PACRG: variants seen among roughly 807,000 people sequenced by gnomAD.
PACRG encodes the protein parkin coregulated, also known as parkin coregulated gene protein.
PACRG carries 29 observed loss-of-function variants against 29.7 expected under a neutral mutation model. The observed-to-expected ratio is 0.98, with a 90% CI of 0.73 to 1.33. PACRG has a LOEUF of 1.33. PACRG is among the 40% of genes most tolerant of loss of function. The probability of loss-of-function intolerance (pLI) is 0.00; values close to 1 mark genes in which losing one functional copy is unlikely to be tolerated. For synonymous variants in PACRG, 116 were observed against 118.7 expected, an observed-to-expected ratio of 0.98 and a Z score of 0.15; for missense variants, 279 against 316.2, an observed-to-expected ratio of 0.88 and a Z score of 0.89.
At position 163,276,008 on chromosome 6, in the gene PACRG, C is replaced by CTTCTTTCTTTCT. The variant is rs376811032; in HGVS notation, c.614-38800_614-38789dup. Among the ~76,000 whole-genome samples, 957 of 140,674 alleles carry CTTCTTTCTTTCT rather than the reference C, an allele frequency of 6.8e-3. 4 individuals are homozygous for CTTCTTTCTTTCT. Among genetic ancestry groups the CTTCTTTCTTTCT allele is most frequent in the African/African-American group, 0.012 (420 of 35,544 alleles). The allele number at this position is 140,674 out of a possible 152,430, so 92.3% of individuals were successfully genotyped here. ...TTCTCTTTCCTTCCTTCCTTCCTTC[C>CTTCTTTCTTTCT]TTCTTTCTTTCTTTCTTTCTTTCTT... On this transcript the variant is annotated intron_variant, in intron 4 of 4. Coordinates refer to ENST00000366888, the MANE Select transcript of PACRG (RefSeq NM_001080379.2).
At chr6:163,233,964 CA>C (rs1782140086) in intron 4 of PACRG, among the ~76,000 whole-genome samples, 1 of 152,034 alleles carries the variant, frequency 6.6e-6, no homozygotes, top group Non-Finnish European at 1.5e-5. Context: ...TCTTGGGGCT[CA>C]ATAAGAAATG....
At chr6:163,196,041 C>G (rs1045738970) in intron 4 of PACRG, among the ~76,000 whole-genome samples, 11 of 152,216 alleles carry the variant, frequency 7.2e-5, no homozygotes, top group African/African-American at 2.7e-4. Context: ...CCCCGTCCCT[C>G]CAGTCGCTGG....
chr6:163,308,128 T>A (rs1286942430), intron 4 of PACRG, among the ~76,000 whole-genome samples: 3 of 152,166 alleles, frequency 2.0e-5, no homozygotes, highest in Non-Finnish European at 4.4e-5. Flanking sequence ...GCTTTCCTTT[T>A]CCCCTTTCTT....
intron 4 of PACRG, among the ~76,000 whole-genome samples, chr6:163,122,289 A>T (rs868344308): frequency 1.3e-5 from 2 of 151,614 alleles, no homozygotes; most frequent in Non-Finnish European, 1.5e-5. Context: ...ACGCATTTAC[A>T]CACACACACA....
At chr6:163,293,959 C>A (rs1391532597) in intron 4 of PACRG, among the ~76,000 whole-genome samples, 1 of 152,054 alleles carries the variant, frequency 6.6e-6, no homozygotes, top group Non-Finnish European at 1.5e-5. Flanking sequence ...TTTTCTAGTT[C>A]CGACCTAGAT....
chr6:163,130,427 A>G (rs555960910), intron 4 of PACRG, among the ~76,000 whole-genome samples: 2 of 151,916 alleles, frequency 1.3e-5, no homozygotes, highest in South Asian at 2.1e-4. Flanking sequence ...TTCCTATGTC[A>G]TTATTCTTTC....
chr6:163,307,696 G>C (rs1297700287), intron 4 of PACRG, among the ~76,000 whole-genome samples: 1 of 152,022 alleles, frequency 6.6e-6, no homozygotes, highest in African/African-American at 2.4e-5. Context: ...TTATGGTTAA[G>C]GGGGAGAAAA....
At chr6:162,957,301 G>C (rs1013060658) in intron 2 of PACRG, 11 of 576,730 alleles carry the variant, frequency 1.9e-5, no homozygotes, top group Non-Finnish European at 2.3e-5. Flanking sequence ...GATAAAGAAA[G>C]CACGCTTGAT....
upstream of PACRG, chr6:162,727,696 C>T (rs767676008): frequency 4.5e-6 from 7 of 1,567,330 alleles, no homozygotes; most frequent in African/African-American, 2.7e-5. Context: ...CGGCTGCGGG[C>T]CAGGAACAGG....
intron 2 of PACRG, among the ~76,000 whole-genome samples, chr6:163,035,321 T>C (rs1450894730): frequency 6.6e-6 from 1 of 152,110 alleles, no homozygotes; most frequent in East Asian, 1.9e-4. Context: ...CAGACCAGCC[T>C]GGCCAACATG....
chr6:162,851,580 G>T (rs1428126381), intron 2 of PACRG, among the ~76,000 whole-genome samples: 1 of 151,984 alleles, frequency 6.6e-6, no homozygotes, highest in Non-Finnish European at 1.5e-5. Context: ...TACCATTAGG[G>T]ATCTGATTCT....
chr6:162,922,356 T>C (rs1004210050), intron 2 of PACRG, among the ~76,000 whole-genome samples: 5 of 151,140 alleles, frequency 3.3e-5, no homozygotes, highest in Admixed American at 6.6e-5. Flanking sequence ...TAGCTGTCTG[T>C]CTACTCTAAC....
At chr6:162,884,518 G>A (rs1041628174) in intron 2 of PACRG, among the ~76,000 whole-genome samples, 2 of 152,162 alleles carry the variant, frequency 1.3e-5, no homozygotes, top group East Asian at 3.8e-4. Flanking sequence ...GGTAAAGGGT[G>A]AATGGGATAT....
intron 4 of PACRG, chr6:163,184,772 A>G (rs1779840078): frequency 1.3e-5 from 2 of 152,192 alleles, no homozygotes; most frequent in South Asian, 4.1e-4. Flanking sequence ...GCATTAATAT[A>G]AAGAAACCTA....
intron 2 of PACRG, among the ~76,000 whole-genome samples, chr6:162,877,792 C>A (rs1430536590): frequency 4.6e-5 from 7 of 151,932 alleles, no homozygotes; most frequent in African/African-American, 1.7e-4. Flanking sequence ...CTTGTCCTGC[C>A]CAGAAGAGTC....
intron 2 of PACRG, among the ~76,000 whole-genome samples, chr6:162,851,830 G>A (rs1261603996): frequency 6.6e-6 from 1 of 151,912 alleles, no homozygotes; most frequent in African/African-American, 2.4e-5. Flanking sequence ...TTTAAAATGT[G>A]TATTTATACA....
chr6:162,990,004 T>C (rs1803294991), intron 2 of PACRG, among the ~76,000 whole-genome samples: 1 of 150,792 alleles, frequency 6.6e-6, no homozygotes, highest in African/African-American at 2.4e-5. Context: ...TTTTTTGTTC[T>C]TGCGATAGTT....
intron 2 of PACRG, among the ~76,000 whole-genome samples, chr6:162,839,162 C>T (rs1300305511): frequency 1.7e-5 from 2 of 119,038 alleles, no homozygotes; most frequent in Admixed American, 9.7e-5. Context: ...CCTGAGGAAT[C>T]GCCACACTGA....
intron 4 of PACRG, among the ~76,000 whole-genome samples, chr6:163,265,802 A>T (rs1371524620): frequency 6.6e-6 from 1 of 152,210 alleles, no homozygotes; most frequent in African/African-American, 2.4e-5. Flanking sequence ...TTACATCAGG[A>T]TTTTATTTTA....
Sources: allele counts gnomAD v4.1 joint callset (sites outside exome capture counted in the v4.1 genomes callset), GRCh38; gene constraint gnomAD v4.1.1; transcripts MANE v1.5; gene names NCBI Gene and HGNC (gene_info 2026-07-23, HGNC 2026-07-21).